SUCLG2: variants seen among roughly 807,000 people sequenced by gnomAD.
SUCLG2 encodes the protein succinate-CoA ligase GDP-forming subunit beta, also known as succinate--CoA ligase [GDP-forming] subunit beta, mitochondrial.
SUCLG2 carries 42 observed loss-of-function variants against 47.9 expected under a neutral mutation model. That is an observed-to-expected ratio of 0.88 (90% CI 0.69 to 1.14). The LOEUF (loss-of-function observed/expected upper bound fraction) is 1.14, where lower values mean the gene tolerates loss of function less well. SUCLG2 is among the 50% of genes most tolerant of loss of function. The pLI is 0.00. For missense variants in SUCLG2, 571 were observed against 525.9 expected (o/e 1.09, Z -0.84); for synonymous variants, 195 against 197.3 (o/e 0.99, Z 0.10).
intron 1 of SUCLG2, among the ~76,000 whole-genome samples, chr3:67,624,892 T>C (rs1426265941): frequency 6.6e-6 from 1 of 152,236 alleles, no homozygotes; most frequent in Non-Finnish European, 1.5e-5. Context: ...GTCATTCATT[T>C]GAAAAGTCCA....
intron 9 of SUCLG2, among the ~76,000 whole-genome samples, chr3:67,439,452 T>G (rs577809109): frequency 2.0e-5 from 3 of 152,346 alleles, no homozygotes; most frequent in Admixed American, 2.0e-4. Flanking sequence ...TTGTCTCTGT[T>G]TGCATATGAC....
intron 2 of SUCLG2, among the ~76,000 whole-genome samples, chr3:67,557,269 C>T (rs758823221): frequency 6.6e-6 from 1 of 152,150 alleles, no homozygotes; most frequent in Non-Finnish European, 1.5e-5. Flanking sequence ...ATTACATAGA[C>T]GTAACATGGC....
intron 9 of SUCLG2, among the ~76,000 whole-genome samples, chr3:67,453,954 T>G (rs1350115417): frequency 4.6e-5 from 7 of 152,208 alleles, no homozygotes; most frequent in African/African-American, 1.4e-4. Flanking sequence ...GCATTTTGTG[T>G]GTGTGTATGT....
intron 2 of SUCLG2, among the ~76,000 whole-genome samples, chr3:67,546,184 A>G (rs1706858435): frequency 6.6e-6 from 1 of 152,194 alleles, no homozygotes; most frequent in Non-Finnish European, 1.5e-5. Context: ...GCTGGTATAA[A>G]TTTTACTTCT....
chr3:67,384,003 C>A (rs62256370), intron 10 of SUCLG2, among the ~76,000 whole-genome samples: 5,969 of 152,208 alleles, frequency 0.039, 171 homozygotes, highest in Non-Finnish European at 0.064. Flanking sequence ...CTCTAATTTA[C>A]GGATGATTTA....
At chr3:67,489,484 C>T (rs370151019) in intron 9 of SUCLG2, among the ~76,000 whole-genome samples, 15 of 152,212 alleles carry the variant, frequency 9.9e-5, no homozygotes, top group South Asian at 6.2e-4. Context: ...AGGTCGACTA[C>T]CACTAGAAAG....
intron 9 of SUCLG2, among the ~76,000 whole-genome samples, chr3:67,479,369 C>G (rs750262603): frequency 6.6e-6 from 1 of 151,726 alleles, no homozygotes; most frequent in East Asian, 1.9e-4. Context: ...TCATACATAC[C>G]GAGGAAAAAC....
At chr3:67,544,413 T>C (rs1706807612) in intron 2 of SUCLG2, among the ~76,000 whole-genome samples, 1 of 152,086 alleles carries the variant, frequency 6.6e-6, no homozygotes. Flanking sequence ...CAAGATATGA[T>C]GGTTTAAAAG....
intron 9 of SUCLG2, among the ~76,000 whole-genome samples, chr3:67,472,528 C>T (rs1439230947): frequency 6.6e-6 from 1 of 152,136 alleles, no homozygotes; most frequent in Non-Finnish European, 1.5e-5. Context: ...GTCACTATTA[C>T]ACTTAGATTT....
rs116222562 is a variant in SUCLG2 at position 67,406,980 on chromosome 3, G to A, written c.1063-6129C>T. Reference sequence around the variant, plus strand: ...CATGCAGGGCAGTTAGGAATAGCTGGATAATGATAAAGGAGCCACTGACAT... The same window carrying A: ...CATGCAGGGCAGTTAGGAATAGCTGAATAATGATAAAGGAGCCACTGACAT... On this transcript the variant is annotated intron_variant, in intron 9 of 10. Transcript: ENST00000307227. Among the ~76,000 whole-genome samples, 1,382 of 152,232 alleles carry A rather than the reference G, an allele frequency of 9.1e-3. 23 individuals are homozygous for A. The highest frequency in any genetic ancestry group is 0.031 in the African/African-American group (1,292 of 41,532).
At chr3:67,521,715 G>A (rs1706110142) in intron 4 of SUCLG2, among the ~76,000 whole-genome samples, 1 of 151,804 alleles carries the variant, frequency 6.6e-6, no homozygotes, top group African/African-American at 2.4e-5. Context: ...TGCCTCCCAT[G>A]TTCAAGCAAT....
intron 2 of SUCLG2, among the ~76,000 whole-genome samples, chr3:67,585,297 G>A (rs963344067): frequency 6.6e-6 from 1 of 152,018 alleles, no homozygotes; most frequent in Non-Finnish European, 1.5e-5. Context: ...CCAGTCCTTC[G>A]AATTAGGTTA....
chr3:67,393,443 C>T (rs1314291265), intron 10 of SUCLG2, among the ~76,000 whole-genome samples: 1 of 152,230 alleles, frequency 6.6e-6, no homozygotes, highest in African/African-American at 2.4e-5. Flanking sequence ...TGAGATCAAA[C>T]TGCAAGGCGG....
intron 6 of SUCLG2, among the ~76,000 whole-genome samples, chr3:67,515,531 T>C (rs1173449025): frequency 6.6e-6 from 1 of 152,148 alleles, no homozygotes; most frequent in Non-Finnish European, 1.5e-5. Flanking sequence ...AGGAAAGATA[T>C]TAATAATTTT....
intron 2 of SUCLG2, among the ~76,000 whole-genome samples, chr3:67,534,292 AAG>A (rs1315998492): frequency 8.5e-5 from 13 of 152,130 alleles, no homozygotes; most frequent in African/African-American, 3.1e-4. Context: ...AGCCATTTTG[AAG>A]AGTTTGATTA....
At chr3:67,410,949 C>A (rs948978600) in intron 9 of SUCLG2, among the ~76,000 whole-genome samples, 5 of 152,100 alleles carry the variant, frequency 3.3e-5, no homozygotes, top group Non-Finnish European at 7.4e-5. Context: ...TTGGCACATT[C>A]TTTCTGAGCC....
intron 9 of SUCLG2, among the ~76,000 whole-genome samples, chr3:67,437,913 C>A (rs1030897787): frequency 1.6e-4 from 25 of 152,194 alleles, no homozygotes; most frequent in African/African-American, 5.8e-4. Context: ...CTTTAATACT[C>A]CCTTCAAGAG....
At chr3:67,406,123 A>G (rs1702801618) in intron 9 of SUCLG2, among the ~76,000 whole-genome samples, 1 of 152,130 alleles carries the variant, frequency 6.6e-6, no homozygotes, top group African/African-American at 2.4e-5. Flanking sequence ...GAAAACCAAG[A>G]CTCAGAGGTA....
At chr3:67,410,491 C>A (rs534784037) in intron 9 of SUCLG2, among the ~76,000 whole-genome samples, 4 of 152,248 alleles carry the variant, frequency 2.6e-5, no homozygotes, top group South Asian at 2.1e-4. Context: ...AGCACAAGCA[C>A]AGTTTCTATT....
Sources: allele counts gnomAD v4.1 joint callset (sites outside exome capture counted in the v4.1 genomes callset), GRCh38; gene constraint gnomAD v4.1.1; transcripts MANE v1.5; gene names NCBI Gene and HGNC (gene_info 2026-07-23, HGNC 2026-07-21).